The following PIGF variants were observed in gnomAD, a reference collection of about 807,000 sequenced individuals.
The protein encoded by PIGF is GPI ethanolamine phosphate transferase, stabilizing subunit.
A neutral mutation model predicts 26.0 loss-of-function variants in PIGF; 23 were observed. That is an observed-to-expected ratio of 0.88 (90% CI 0.64 to 1.25). The LOEUF (loss-of-function observed/expected upper bound fraction) is 1.25, where lower values mean the gene tolerates loss of function less well. Ranked by LOEUF, PIGF falls within the 50% of genes most tolerant of loss-of-function variation. PIGF has a pLI of 0.00. For synonymous variants in PIGF, 93 were observed against 92.6 expected (o/e 1.00, Z -0.03); for missense variants, 278 against 249.9 (o/e 1.11, Z -0.76).
chr2:46,606,268 C>T (rs1328172076), intron 4 of PIGF, among the ~76,000 whole-genome samples: 1 of 152,204 alleles, frequency 6.6e-6, no homozygotes, highest in Non-Finnish European at 1.5e-5. Context: ...TCGCAAGAGA[C>T]AACAGGTTTT....
chr2:46,613,877 T>C (rs1670507788), intron 2 of PIGF, 92 bp from the exon 3 acceptor site: 3 of 1,096,096 alleles, frequency 2.7e-6, no homozygotes, highest in Admixed American at 5.3e-5. Flanking sequence ...CTTGTTCCCA[T>C]AATGTGTAAA....
chr2:46,603,337 C>T (rs1234094877), intron 4 of PIGF, among the ~76,000 whole-genome samples: 1 of 152,002 alleles, frequency 6.6e-6, no homozygotes, highest in Non-Finnish European at 1.5e-5. Context: ...CAACACTATT[C>T]TTCACATAAA....
In PIGF at chr2:46,616,808, C is replaced by T. The variant is rs1670650604; in HGVS notation, c.-22+162G>A. 5.1e-5 allele frequency: 10 copies of T among 194,220 alleles called. No individual in the cohort carries two copies. In the South Asian group the frequency reaches 6.6e-4, roughly 13 times the overall value. The allele number at this position is 194,220 out of a possible 1,614,324, so 12.0% of individuals were successfully genotyped here. A position where few individuals can be genotyped will look rare whatever the true frequency, so the allele number is the denominator to read the frequency against. On this transcript the variant is annotated intron_variant, in intron 1 of 5. Transcript: ENST00000281382. ...GGGGGACAGAGGCGAAAACTCGGAT[C>T]CGAAAGGGGGTCTGTCCATCAGGGC...
At position 46,614,011 on chromosome 2, in the gene PIGF, C is replaced by G. The variant is rs1670521885; in HGVS notation, c.229-226G>C. 4 of 439,790 alleles carry G rather than the reference C, an allele frequency of 9.1e-6. No individual in the cohort carries two copies. The South Asian group carries it at 1.2e-4, about 13-fold the overall frequency. The allele number at this position is 439,790 out of a possible 1,614,324, so 27.2% of individuals were successfully genotyped here. On this transcript the variant is annotated intron_variant, in intron 2 of 5. Transcript: ENST00000281382. ...ATACCACCTTCCGCCCATATTCTAC[C>G]CATCCGACCTACATGAGTCGAAAAG...
intron 5 of PIGF, chr2:46,581,906 T>A (rs1398442370): frequency 2.2e-5 from 5 of 225,960 alleles, no homozygotes; most frequent in Non-Finnish European, 4.4e-5. Context: ...TCAATTTAGC[T>A]CTCTGAACTA....
intron 4 of PIGF, among the ~76,000 whole-genome samples, chr2:46,602,180 T>C (rs1403071184): frequency 6.6e-6 from 1 of 151,990 alleles, no homozygotes; most frequent in Non-Finnish European, 1.5e-5. Flanking sequence ...AGTTTCTTTA[T>C]AATAGTATTC....
At position 46,580,983 on chromosome 2, in the gene PIGF, C is replaced by T; in HGVS notation, c.*495G>A. 3 of 1,583,794 alleles carry T rather than the reference C, an allele frequency of 1.9e-6. No homozygotes were observed. The highest frequency in any genetic ancestry group is 2.6e-6 in the Non-Finnish European group (3 of 1,168,652). ...GCTTTAACCCAGAAGGGATTGAAGA[C>T]TGTTTTTGATGAGGCTATCATAGCC... On this transcript the variant is annotated 3_prime_UTR_variant, in exon 6 of 6. Coordinates refer to ENST00000281382, the MANE Select transcript of PIGF (RefSeq NM_002643.4).
intron 4 of PIGF, among the ~76,000 whole-genome samples, chr2:46,597,141 C>A (rs1039522928): frequency 1.3e-5 from 2 of 152,192 alleles, no homozygotes; most frequent in Non-Finnish European, 2.9e-5. Context: ...CCTGCACGAG[C>A]ATCTTGTGAA....
chr2:46,594,601 T>A (rs1669824507), intron 4 of PIGF, among the ~76,000 whole-genome samples: 1 of 151,274 alleles, frequency 6.6e-6, no homozygotes, highest in Non-Finnish European at 1.5e-5. Context: ...AATAGAGTGA[T>A]CTCGGATCAC....
intron 4 of PIGF, among the ~76,000 whole-genome samples, chr2:46,607,463 TG>T (rs1670260897): frequency 6.6e-6 from 1 of 152,234 alleles, no homozygotes; most frequent in Non-Finnish European, 1.5e-5. Context: ...ATGTATTTTC[TG>T]GTTTCCCAGT....
chr2:46,603,231 A>G (rs1333222031), intron 4 of PIGF, among the ~76,000 whole-genome samples: 1 of 152,098 alleles, frequency 6.6e-6, no homozygotes, highest in Non-Finnish European at 1.5e-5. Flanking sequence ...AAATGGAAAG[A>G]TATTTCATGT....
intron 5 of PIGF, among the ~76,000 whole-genome samples, chr2:46,583,658 G>A (rs1351986306): frequency 1.3e-5 from 2 of 152,110 alleles, no homozygotes; most frequent in Non-Finnish European, 2.9e-5. Flanking sequence ...AAGCAGACTA[G>A]AGAAAAACTG....
chr2:46,583,765 G>T (rs546985414), intron 5 of PIGF, among the ~76,000 whole-genome samples: 4 of 152,028 alleles, frequency 2.6e-5, no homozygotes, highest in African/African-American at 9.7e-5. Flanking sequence ...TGAAATATCT[G>T]GGAAATAAAC....
At chr2:46,584,385 G>T (rs1259442556) in intron 5 of PIGF, among the ~76,000 whole-genome samples, 1 of 152,150 alleles carries the variant, frequency 6.6e-6, no homozygotes, top group Non-Finnish European at 1.5e-5. Context: ...CACTGTTAAA[G>T]TATAGGGAGA....
At chr2:46,592,437 A>T (rs766181505) in intron 5 of PIGF, 38 bp downstream of exon 5, 13 of 1,026,434 alleles carry the variant, frequency 1.3e-5, no homozygotes, top group Non-Finnish European at 1.9e-5. Flanking sequence ...ATCATTGTAC[A>T]AACATTTATT....
intron 4 of PIGF, among the ~76,000 whole-genome samples, chr2:46,600,047 T>C (rs1023860741): frequency 1.3e-5 from 2 of 152,240 alleles, no homozygotes; most frequent in Non-Finnish European, 2.9e-5. Flanking sequence ...ATTCAGTTAG[T>C]AATATTCCAC....
At chr2:46,592,651 T>C (rs1347481924) in intron 4 of PIGF, 68 bp from the exon 5 acceptor site, 9 of 771,546 alleles carry the variant, frequency 1.2e-5, no homozygotes, top group Non-Finnish European at 1.9e-5. Flanking sequence ...CAACAAGCAC[T>C]AGCACACATT....
chr2:46,596,934 T>C (rs1669906897), intron 4 of PIGF, among the ~76,000 whole-genome samples: 2 of 152,234 alleles, frequency 1.3e-5, no homozygotes. Context: ...ATAGTAAATA[T>C]AATCTTTAAT....
chr2:46,595,065 T>C (rs1424948755), intron 4 of PIGF, among the ~76,000 whole-genome samples: 1 of 152,032 alleles, frequency 6.6e-6, no homozygotes, highest in Non-Finnish European at 1.5e-5. Context: ...GTCTCCACAG[T>C]TAGGATTTTT....
Sources: gnomAD v4.1 joint callset for allele counts (sites outside exome capture counted in the v4.1 genomes callset) on GRCh38, gnomAD v4.1.1 for gene constraint, MANE v1.5 for transcripts, NCBI Gene and HGNC (gene_info 2026-07-23, HGNC 2026-07-21) for gene names.